The following FAM178B variants were observed in gnomAD, a reference collection of about 807,000 sequenced individuals.
The protein encoded by FAM178B is protein FAM178B.
Under a neutral mutation model 91.7 loss-of-function variants are expected in FAM178B, and 82 were observed. That is an observed-to-expected ratio of 0.89 (90% CI 0.75 to 1.07). The LOEUF is 1.07. Among genes scored for constraint, FAM178B ranks in the 50% least tolerant of loss-of-function variants. The pLI, the probability that FAM178B is intolerant of heterozygous loss-of-function variation, is 0.00. For missense variants in FAM178B, 769 were observed against 846.7 expected, an observed-to-expected ratio of 0.91 and a Z score of 1.14; for synonymous variants, 368 against 359.4, an observed-to-expected ratio of 1.02 and a Z score of -0.27.
intron 12 of FAM178B, among the ~76,000 whole-genome samples, chr2:96,918,601 A>C (rs1006018022): frequency 1.3e-5 from 2 of 152,212 alleles, no homozygotes; most frequent in African/African-American, 4.8e-5. Flanking sequence ...TAGGGTTGCA[A>C]TTTCACATCA....
At chr2:96,890,466 T>TA (rs1481094468) in intron 14 of FAM178B, among the ~76,000 whole-genome samples, 2 of 151,604 alleles carry the variant, frequency 1.3e-5, no homozygotes, top group Non-Finnish European at 2.9e-5. Flanking sequence ...AGGCCCTGTT[T>TA]AAAAAAAAGA....
chr2:96,924,149 G>A (rs978019566), intron 9 of FAM178B, among the ~76,000 whole-genome samples: 12 of 152,200 alleles, frequency 7.9e-5, no homozygotes, highest in African/African-American at 2.2e-4. Flanking sequence ...ACATGCTACC[G>A]TTCAGGTGAG....
rs2082232241 is a variant in FAM178B at position 96,972,254 on chromosome 2, G to C, written c.211C>G (p.Leu71Val). 2.0e-6 allele frequency: 3 copies of C among 1,506,524 alleles called. No homozygotes were observed. The highest frequency in any genetic ancestry group is 2.8e-5 in the African/African-American group (2 of 71,300). The allele number at this position is 1,506,524 out of a possible 1,614,324, so 93.3% of individuals were successfully genotyped here. The change falls in exon 3 of 17, where the codon CTG (leucine) becomes GTG (valine). Residue 71 changes from leucine to valine, a missense_variant. Coordinates refer to ENST00000490605, the MANE Select transcript of FAM178B (RefSeq NM_001122646.3). ...GCAGGGCAGCGGGGCCCCTGGTCCA[G>C]GGGATGGTCTGACAAGCCATCCTCC... is the stretch of plus-strand genomic sequence containing the variant. ...NLEDGLSDHP[L>V]DQGPRCPARR...
chr2:96,917,366 C>CG lies in FAM178B; in HGVS notation c.1562+3798dup, dbSNP rs529895110. Among the ~76,000 whole-genome samples, 4 of 152,280 alleles carry CG rather than the reference C, an allele frequency of 2.6e-5. No homozygotes were observed. The South Asian group carries it at 8.3e-4, about 32-fold the overall frequency. ...CTGACGTGGCTGCCTGAAAGGCAGG[C>CG]GCAAGATGCTCTGTTTCATTCATTT... On this transcript the variant is annotated intron_variant, in intron 12 of 16. Coordinates refer to ENST00000490605, the MANE Select transcript of FAM178B (RefSeq NM_001122646.3).
chr2:96,966,660 T>G (rs1288058443), intron 5 of FAM178B, among the ~76,000 whole-genome samples: 1 of 152,200 alleles, frequency 6.6e-6, no homozygotes, highest in Admixed American at 6.5e-5. Flanking sequence ...CTTATGTTTG[T>G]GTCCCCCCAA....
chr2:96,963,390 G>A (rs1244276470), intron 5 of FAM178B, among the ~76,000 whole-genome samples: 1 of 152,216 alleles, frequency 6.6e-6, no homozygotes, highest in African/African-American at 2.4e-5. Context: ...GCCGAGGAAG[G>A]CCTTTGGCCC....
At chr2:96,903,918 C>A (rs1399589915) in intron 12 of FAM178B, among the ~76,000 whole-genome samples, 1 of 152,184 alleles carries the variant, frequency 6.6e-6, no homozygotes, top group Non-Finnish European at 1.5e-5. Context: ...GAGGACTCGA[C>A]AAAGCAGCGG....
At chr2:96,921,346 G>C in intron 11 of FAM178B, 84 bp from the exon 12 acceptor site, 1 of 1,510,218 alleles carries the variant, frequency 6.6e-7, no homozygotes, top group Admixed American at 2.0e-5. Context: ...AGGGGAGTAA[G>C]TGGGCAGTCA....
chr2:96,933,712 C>T (rs2081579934), intron 8 of FAM178B, among the ~76,000 whole-genome samples: 1 of 152,204 alleles, frequency 6.6e-6, no homozygotes, highest in Non-Finnish European at 1.5e-5. Context: ...TGCTGGGTGG[C>T]TGCACTGGGA....
At chr2:96,931,710 G>A (rs1277806526) in intron 8 of FAM178B, among the ~76,000 whole-genome samples, 1 of 152,182 alleles carries the variant, frequency 6.6e-6, no homozygotes, top group African/African-American at 2.4e-5. Context: ...GCAGACGGCA[G>A]GATGGCGGGC....
chr2:96,970,772 G>A lies in FAM178B; in HGVS notation c.570C>T (p.Ser190=), dbSNP rs969203669. 9 of 1,550,634 alleles carry A rather than the reference G, an allele frequency of 5.8e-6. No homozygotes were observed. The highest frequency in any genetic ancestry group is 7.0e-6 in the Non-Finnish European group (8 of 1,146,238). The change falls in exon 4 of 17, where the codon TCC becomes TCT. Residue 190 remains serine, a synonymous_variant. Transcript: ENST00000490605. ...LSQQAAAPEF[S]WGGSGSYFNN... ...TGAAGTAGCTTCCTGAGCCCCCCCAGGAAAACTGGAGAAACAGGACATGGG... is the reference window on the plus strand; with the variant it reads ...TGAAGTAGCTTCCTGAGCCCCCCCAAGAAAACTGGAGAAACAGGACATGGG...
At chr2:96,908,178 C>T (rs1461547149) in intron 12 of FAM178B, among the ~76,000 whole-genome samples, 2 of 152,226 alleles carry the variant, frequency 1.3e-5, no homozygotes, top group Non-Finnish European at 2.9e-5. Flanking sequence ...ACTGCCTGGT[C>T]ATCCACAGAC....
chr2:96,946,985 TCATGGTA>T (rs924889371), intron 8 of FAM178B, among the ~76,000 whole-genome samples: 9 of 152,334 alleles, frequency 5.9e-5, no homozygotes, highest in African/African-American at 1.9e-4. Flanking sequence ...GGCTGGGGGC[TCATGGTA>T]CATCCTTGGC....
intron 12 of FAM178B, among the ~76,000 whole-genome samples, chr2:96,911,370 G>A (rs1263227065): frequency 1.3e-5 from 2 of 152,246 alleles, no homozygotes; most frequent in Non-Finnish European, 2.9e-5. Flanking sequence ...TCTCCAGGAG[G>A]AGACAGATGC....
intron 2 of FAM178B, 67 bp downstream of exon 2, chr2:96,972,471 G>T: frequency 6.6e-7 from 1 of 1,526,488 alleles, no homozygotes; most frequent in Non-Finnish European, 8.9e-7. Flanking sequence ...TTCAGCCATG[G>T]GCTCTCCACT....
At chr2:96,896,437 C>G (rs934396740) in intron 13 of FAM178B, among the ~76,000 whole-genome samples, 64 of 152,126 alleles carry the variant, frequency 4.2e-4, no homozygotes, top group Non-Finnish European at 3.4e-4. Context: ...GTTGTTTGGG[C>G]CTTGCAGGAA....
intron 7 of FAM178B, chr2:96,950,153 A>G: frequency 1.0e-6 from 1 of 985,480 alleles, no homozygotes; most frequent in South Asian, 4.7e-5. Context: ...TGTCAGGGTG[A>G]CGCAGGGCCC....
rs531715422 is a variant in FAM178B, at chr2:96,890,888, C to A, written c.1776+3038G>T. Among the ~76,000 whole-genome samples the A allele has an allele frequency of 6.1e-3, 932 of 152,306 alleles. 9 individuals are homozygous for A. Among genetic ancestry groups the A allele is most frequent in the African/African-American group, 0.022 (901 of 41,550 alleles). Reference sequence around the variant, plus strand: ...CTGTACCAGACCCCCAAGCATCACTCCAAACCAGATGTTTACTCTTCTCTG... The same window carrying A: ...CTGTACCAGACCCCCAAGCATCACTACAAACCAGATGTTTACTCTTCTCTG... On this transcript the variant is annotated intron_variant, in intron 14 of 16. Coordinates refer to ENST00000490605, the MANE Select transcript of FAM178B (RefSeq NM_001122646.3).
chr2:96,920,632 G>A (rs577025115), intron 12 of FAM178B, among the ~76,000 whole-genome samples: 137 of 152,166 alleles, frequency 9.0e-4, no homozygotes, highest in African/African-American at 3.2e-3. Flanking sequence ...ACAGAGCGCC[G>A]AACAGCACGC....
Sources: allele counts gnomAD v4.1 joint callset (sites outside exome capture counted in the v4.1 genomes callset), GRCh38; gene constraint gnomAD v4.1.1; transcripts MANE v1.5; gene names NCBI Gene and HGNC (gene_info 2026-07-23, HGNC 2026-07-21).